The following GPD2 variants were observed in gnomAD, a reference collection of about 807,000 sequenced individuals.
The protein encoded by GPD2 is glycerol-3-phosphate dehydrogenase 2.
GPD2 carries 54 observed loss-of-function variants against 82.4 expected under a neutral mutation model. The ratio of observed to expected loss-of-function variants is 0.66; its 90% CI spans 0.53 to 0.82. GPD2 has a LOEUF of 0.82. GPD2 is among the 40% of genes least tolerant of loss of function. The pLI is 0.00. For missense variants in GPD2, 748 were observed against 896.2 expected, an observed-to-expected ratio of 0.83 and a Z score of 2.11; for synonymous variants, 288 against 306.1, an observed-to-expected ratio of 0.94 and a Z score of 0.62.
chr2:156,442,782 G>C (rs1420461984), intron 1 of GPD2, among the ~76,000 whole-genome samples: 2 of 152,110 alleles, frequency 1.3e-5, no homozygotes, highest in South Asian at 4.1e-4. Flanking sequence ...TTGGGCAACA[G>C]AGCAAGACCC....
At chr2:156,403,874 C>T in the GPD2 span, among the ~76,000 whole-genome samples, 4 of 152,020 alleles carry the variant, frequency 2.6e-5, no homozygotes, top group Admixed American at 6.6e-5. Flanking sequence ...AAGTCCTTGC[C>T]GAAACTCTCT....
At chr2:156,521,767 A>G (rs546164944) in intron 6 of GPD2, among the ~76,000 whole-genome samples, 1 of 152,318 alleles carries the variant, frequency 6.6e-6, no homozygotes, top group East Asian at 1.9e-4. Flanking sequence ...CTTCCTCTAA[A>G]CATTCCTTCC....
chr2:156,405,667 G>C, the GPD2 span, among the ~76,000 whole-genome samples: 1 of 152,154 alleles, frequency 6.6e-6, no homozygotes, highest in East Asian at 1.9e-4. Context: ...TTATCCACGT[G>C]ATCAAGCTTG....
At chr2:156,445,415 G>A (rs1044987818) in intron 1 of GPD2, among the ~76,000 whole-genome samples, 2 of 152,172 alleles carry the variant, frequency 1.3e-5, no homozygotes, top group Non-Finnish European at 2.9e-5. Flanking sequence ...ATTGAACTGT[G>A]CCATTTAACA....
intron 6 of GPD2, among the ~76,000 whole-genome samples, chr2:156,529,080 C>T (rs1338922713): frequency 6.9e-6 from 1 of 145,662 alleles, no homozygotes. Context: ...CCTATTTCTC[C>T]ACATGCTCTC....
At chr2:156,403,840 T>C in the GPD2 span, among the ~76,000 whole-genome samples, 1 of 152,230 alleles carries the variant, frequency 6.6e-6, no homozygotes, top group Non-Finnish European at 1.5e-5. Flanking sequence ...GAGATGGGTA[T>C]GTGACTAAAT....
chr2:156,574,392 C>T (rs1469130695), intron 13 of GPD2, among the ~76,000 whole-genome samples: 1 of 152,078 alleles, frequency 6.6e-6, no homozygotes, highest in Non-Finnish European at 1.5e-5. Context: ...CAAAAAGGAA[C>T]TTATTGGAGA....
intron 12 of GPD2, 131 bp downstream of exon 12, chr2:156,570,349 G>A (rs1332574352): frequency 1.3e-6 from 1 of 776,226 alleles, no homozygotes; most frequent in South Asian, 1.5e-5. Context: ...GGACTACTAT[G>A]TCTTTCCAAT....
chr2:156,569,937 C>T (rs1228179142), intron 11 of GPD2, 150 bp from the exon 12 acceptor site: 1 of 689,072 alleles, frequency 1.5e-6, no homozygotes, highest in Admixed American at 2.5e-5. Flanking sequence ...CAAGTGGTTT[C>T]CTTCCACAAA....
chr2:156,561,569 C>T (rs1014363793), intron 9 of GPD2, among the ~76,000 whole-genome samples: 1 of 152,100 alleles, frequency 6.6e-6, no homozygotes, highest in African/African-American at 2.4e-5. Context: ...CTGCACTGAC[C>T]TTATTTGAAT....
At position 156,550,688 on chromosome 2, in the gene GPD2, G is replaced by C. The variant is rs767842019; in HGVS notation, c.913G>C (p.Ala305Pro). ...TGTGCGCAAAATGGATGATAAAGAC[G>C]CAGCAGCTATCTGCCAGCCAAGTGC... is the stretch of plus-strand genomic sequence containing the variant. Reference protein sequence around the residue: ...DSVRKMDDKDAAAICQPSAGV... With the variant: ...DSVRKMDDKDPAAICQPSAGV... Residue 305 changes from alanine (A) to proline (P), a missense_variant, in exon 8 of 17, where the codon GCA (alanine) becomes CCA (proline). Physicochemically the swap from Ala to Pro is conservative, Grantham distance 27. This residue lies in a region of GPD2 where 692 missense variants were observed against 809.7 expected (regional missense o/e 0.85). Transcript: ENST00000438166. 6.2e-7 allele frequency: 1 copy of C among 1,613,500 alleles called. No individual in the cohort carries two copies. The highest frequency in any genetic ancestry group is 1.3e-5 in the African/African-American group (1 of 74,902).
intron 13 of GPD2, among the ~76,000 whole-genome samples, chr2:156,577,863 T>C (rs1294669339): frequency 1.3e-5 from 2 of 152,184 alleles, no homozygotes; most frequent in Non-Finnish European, 1.5e-5. Context: ...GTGCCCTTCT[T>C]ATGGCACAGG....
the GPD2 span, among the ~76,000 whole-genome samples, chr2:156,407,544 T>A: frequency 6.6e-6 from 1 of 152,146 alleles, no homozygotes; most frequent in African/African-American, 2.4e-5. Context: ...TAATAAGCAG[T>A]ACCCCAAGGC....
At chr2:156,561,254 G>A (rs1433428076) in intron 9 of GPD2, among the ~76,000 whole-genome samples, 1 of 151,740 alleles carries the variant, frequency 6.6e-6, no homozygotes, top group Non-Finnish European at 1.5e-5. Context: ...CACCATGTTG[G>A]TCAGGCTGGT....
chr2:156,442,982 C>T (rs1396938375), intron 1 of GPD2, among the ~76,000 whole-genome samples: 1 of 152,084 alleles, frequency 6.6e-6, no homozygotes, highest in Non-Finnish European at 1.5e-5. Flanking sequence ...TTCATTCTCA[C>T]CCTAATATTA....
the GPD2 span, among the ~76,000 whole-genome samples, chr2:156,407,454 C>CT: frequency 6.6e-6 from 1 of 152,094 alleles, no homozygotes; most frequent in Admixed American, 6.6e-5. Flanking sequence ...CTAACTTTAT[C>CT]TTTTTAGTGG....
intron 6 of GPD2, among the ~76,000 whole-genome samples, chr2:156,524,854 C>A (rs1325942551): frequency 6.6e-6 from 1 of 152,126 alleles, no homozygotes; most frequent in Non-Finnish European, 1.5e-5. Flanking sequence ...ATGTAAATTT[C>A]CATCACAAGT....
At chr2:156,447,000 C>G (rs188334045) in intron 1 of GPD2, among the ~76,000 whole-genome samples, 1 of 152,098 alleles carries the variant, frequency 6.6e-6, no homozygotes, top group African/African-American at 2.4e-5. Flanking sequence ...TGCTTTCCCC[C>G]GTACTCTGGA....
At chr2:156,432,059 G>A (rs1163392828), upstream of GPD2, among the ~76,000 whole-genome samples, 2 of 151,758 alleles carry the variant, frequency 1.3e-5, no homozygotes, top group African/African-American at 4.8e-5. Context: ...GCTAATTTTT[G>A]TATTTTTTAC....
Sources: allele counts gnomAD v4.1 joint callset (sites outside exome capture counted in the v4.1 genomes callset), GRCh38; gene constraint gnomAD v4.1.1; regional missense constraint gnomAD v4.1.1; transcripts MANE v1.5; gene names NCBI Gene and HGNC (gene_info 2026-07-23, HGNC 2026-07-21).